The following CCSER2 variants were observed in gnomAD, a reference collection of about 807,000 sequenced individuals.
CCSER2 encodes serine-rich coiled-coil domain-containing protein 2.
CCSER2 carries 46 observed loss-of-function variants against 92.3 expected under a neutral mutation model. The observed-to-expected ratio is 0.50, with a 90% confidence interval of 0.39 to 0.64. CCSER2 has a LOEUF of 0.64. CCSER2 is among the 30% of genes least tolerant of loss of function. The pLI, the probability that CCSER2 is intolerant of heterozygous loss-of-function variation, is 0.00. For missense variants in CCSER2, 1,244 were observed against 1,238.9 expected, an observed-to-expected ratio of 1.00 and a Z score of -0.06; for synonymous variants, 433 against 431.4, an observed-to-expected ratio of 1.00 and a Z score of -0.04.
chr10:84,328,617 G>T lies in CCSER2; in HGVS notation c.-231G>T, dbSNP rs908394511. ...GTCCGGGCGGGCGCCGGCCGAGGGA[G>T]GGGGCGCGGCGGCTTTGGAGTCCGG... On this transcript the variant is annotated 5_prime_UTR_variant, in exon 1 of 10. In the 5' UTR this introduces an upstream ATG that the reference lacks. Transcript: ENST00000372088. 6.6e-6 allele frequency: 1 copy of T among 150,574 alleles called. No homozygotes were observed. Among genetic ancestry groups the T allele is most frequent in the East Asian group, 1.9e-4 (1 of 5,160 alleles). 9.3% of individuals were successfully genotyped at this position (150,574 alleles called of 1,614,324 possible). A position where few individuals can be genotyped will look rare whatever the true frequency, so the allele number is the denominator to read the frequency against.
intron 6 of CCSER2, among the ~76,000 whole-genome samples, chr10:84,446,786 T>C (rs947182518): frequency 6.6e-6 from 1 of 152,144 alleles, no homozygotes; most frequent in African/African-American, 2.4e-5. Flanking sequence ...GTTTTTCCTC[T>C]CATTTTTACC....
chr10:84,396,446 A>G (rs889831939), intron 3 of CCSER2, among the ~76,000 whole-genome samples: 14 of 151,726 alleles, frequency 9.2e-5, no homozygotes, highest in African/African-American at 3.4e-4. Context: ...AAGTTTACTT[A>G]CGTTAGTTGT....
chr10:84,362,438 C>T (rs912406348), intron 1 of CCSER2, among the ~76,000 whole-genome samples: 1 of 152,004 alleles, frequency 6.6e-6, no homozygotes, highest in African/African-American at 2.4e-5. Context: ...GTTCCTGTAC[C>T]AACTGGTAAA....
rs1849526842 is a variant in CCSER2, at chr10:84,514,432, T to C, written c.*165T>C. 1 of 601,346 alleles carries C rather than the reference T, an allele frequency of 1.7e-6. No individual in the cohort carries two copies. Among genetic ancestry groups the C allele is most frequent in the Non-Finnish European group, 2.9e-6 (1 of 346,768 alleles). 37.3% of individuals were successfully genotyped at this position (601,346 alleles called of 1,614,324 possible). A position where few individuals can be genotyped will look rare whatever the true frequency, so the allele number is the denominator to read the frequency against. On this transcript the variant is annotated 3_prime_UTR_variant, in exon 10 of 10. Transcript: ENST00000372088. ...ACTAGTTTGGCTCCTTCATTTTATA[T>C]CCTGGTTGAAGTACATGCCATTTGA...
chr10:84,470,912 A>G (rs1279187971), intron 8 of CCSER2, among the ~76,000 whole-genome samples: 1 of 152,124 alleles, frequency 6.6e-6, no homozygotes, highest in African/African-American at 2.4e-5. Flanking sequence ...CTATTGAATG[A>G]TCCATCAGAG....
intron 5 of CCSER2, among the ~76,000 whole-genome samples, chr10:84,432,667 A>G (rs1269142231): frequency 6.6e-6 from 1 of 152,182 alleles, no homozygotes; most frequent in African/African-American, 2.4e-5. Flanking sequence ...AATTTTTTCC[A>G]GTCGGTGGCT....
At chr10:84,447,193 A>G (rs1006633524) in intron 6 of CCSER2, among the ~76,000 whole-genome samples, 1 of 152,204 alleles carries the variant, frequency 6.6e-6, no homozygotes, top group African/African-American at 2.4e-5. Flanking sequence ...AAAGTAGTTC[A>G]GTCTTTTTTA....
intron 1 of CCSER2, among the ~76,000 whole-genome samples, chr10:84,343,562 T>G (rs1359688231): frequency 6.6e-6 from 1 of 152,248 alleles, no homozygotes; most frequent in African/African-American, 2.4e-5. Flanking sequence ...GAATAGTGCT[T>G]AAACCATGGA....
intron 1 of CCSER2, among the ~76,000 whole-genome samples, chr10:84,354,140 G>A (rs186284190): frequency 2.6e-5 from 4 of 152,172 alleles, no homozygotes; most frequent in Admixed American, 6.5e-5. Flanking sequence ...TCGAGGCTGC[G>A]GTGAGCTGTG....
chr10:84,380,925 G>C (rs1421369327), intron 3 of CCSER2, among the ~76,000 whole-genome samples: 1 of 152,114 alleles, frequency 6.6e-6, no homozygotes, highest in African/African-American at 2.4e-5. Context: ...TCGATCTCCT[G>C]ACCTCGTGAT....
At chr10:84,438,408 G>A (rs1354052348) in intron 5 of CCSER2, 104 bp from the exon 6 acceptor site, 1 of 683,386 alleles carries the variant, frequency 1.5e-6, no homozygotes, top group African/African-American at 1.8e-5. Flanking sequence ...TGGTGATAAT[G>A]ATAAGTGATT....
chr10:84,407,863 C>T (rs1471959538), intron 3 of CCSER2, among the ~76,000 whole-genome samples: 2 of 152,082 alleles, frequency 1.3e-5, no homozygotes, highest in Admixed American at 1.3e-4. Flanking sequence ...CTGATGGTAC[C>T]ACACATGTAC....
At chr10:84,457,867 G>C (rs1053667390) in intron 6 of CCSER2, among the ~76,000 whole-genome samples, 1 of 150,818 alleles carries the variant, frequency 6.6e-6, no homozygotes, top group African/African-American at 2.4e-5. Context: ...TCAGCCTCTG[G>C]AGTAGCTGGG....
At chr10:84,476,187 T>C (rs1331078077) in intron 8 of CCSER2, among the ~76,000 whole-genome samples, 1 of 152,204 alleles carries the variant, frequency 6.6e-6, no homozygotes, top group Non-Finnish European at 1.5e-5. Context: ...ATGGGAAATA[T>C]GTCTCTATGA....
chr10:84,455,567 C>T lies in CCSER2; in HGVS notation c.2065-8366C>T, dbSNP rs542221548. 27 of 445,860 alleles carry T rather than the reference C, an allele frequency of 6.1e-5. 2 individuals carry two copies. The highest frequency in any genetic ancestry group is 3.1e-4 in the East Asian group (6 of 19,372). The allele number at this position is 445,860 out of a possible 1,614,324, so 27.6% of individuals were successfully genotyped here. On this transcript the variant is annotated intron_variant, in intron 6 of 9. Transcript: ENST00000372088. ...CTGGGATTACAGGCGTGAGCTACTG[C>T]GCCCAGCCTTTTCCACTTTCTTTCT...
At chr10:84,487,826 A>T (rs1847900940) in intron 9 of CCSER2, among the ~76,000 whole-genome samples, 1 of 152,208 alleles carries the variant, frequency 6.6e-6, no homozygotes, top group Non-Finnish European at 1.5e-5. Context: ...GCCAGTTTCA[A>T]AGGGAATGCT....
chr10:84,467,996 C>A (rs375530490), intron 7 of CCSER2, among the ~76,000 whole-genome samples: 7 of 152,164 alleles, frequency 4.6e-5, no homozygotes, highest in Admixed American at 4.6e-4. Context: ...CCTGTCAAAG[C>A]CATCTCAAAT....
At chr10:84,411,902 C>T (rs1199598671) in intron 3 of CCSER2, among the ~76,000 whole-genome samples, 9 of 152,076 alleles carry the variant, frequency 5.9e-5, no homozygotes, top group South Asian at 2.1e-4. Flanking sequence ...TCAAGGGGAA[C>T]GCCTCCAGCT....
intron 9 of CCSER2, among the ~76,000 whole-genome samples, chr10:84,511,655 G>T (rs758464992): frequency 6.6e-6 from 1 of 152,110 alleles, no homozygotes; most frequent in Non-Finnish European, 1.5e-5. Flanking sequence ...CCAATTGATC[G>T]TGCCTCCTTC....
Sources: allele counts gnomAD v4.1 joint callset (sites outside exome capture counted in the v4.1 genomes callset), GRCh38; gene constraint gnomAD v4.1.1; transcripts MANE v1.5; gene names NCBI Gene and HGNC (gene_info 2026-07-23, HGNC 2026-07-21).